Variants in ATG7 observed in about 807,000 individuals in gnomAD.
ATG7 encodes the protein autophagy related 7.
In ATG7, 70 loss-of-function variants were observed where a neutral mutation model predicts 82.4. That is an observed-to-expected ratio of 0.85 (90% CI 0.70 to 1.04). The LOEUF (loss-of-function observed/expected upper bound fraction) is 1.04. Ranked by LOEUF, ATG7 falls within the 50% of genes least tolerant of loss-of-function variation. The pLI, the probability that ATG7 is intolerant of heterozygous loss-of-function variation, is 0.00. For synonymous variants in ATG7, 287 were observed against 313.0 expected (o/e 0.92, Z 0.88); for missense variants, 792 against 864.3 (o/e 0.92, Z 1.05).
At chr3:11,365,991 G>A (rs1412935638) in intron 18 of ATG7, among the ~76,000 whole-genome samples, 2 of 151,996 alleles carry the variant, frequency 1.3e-5, no homozygotes, top group East Asian at 1.9e-4. Flanking sequence ...AGGCCGAGGC[G>A]GGTGGATCAC....
At chr3:11,475,134 ATTG>A (rs2087999254) in intron 20 of ATG7, among the ~76,000 whole-genome samples, 1 of 150,796 alleles carries the variant, frequency 6.6e-6, no homozygotes, top group Admixed American at 6.6e-5. Context: ...GGTAGATTAT[ATTG>A]TTATTGTTAT....
At chr3:11,563,992 G>A in the ATG7 span, among the ~76,000 whole-genome samples, 2,072 of 152,282 alleles carry the variant, frequency 0.014, 53 homozygotes, top group African/African-American at 0.045. Context: ...GGCTCTTGCA[G>A]CTGAATGCAC....
intron 20 of ATG7, among the ~76,000 whole-genome samples, chr3:11,486,000 G>A (rs2089591017): frequency 6.6e-6 from 1 of 152,116 alleles, no homozygotes. Flanking sequence ...TGCTCTTTTG[G>A]CTTAGGATTG....
intron 20 of ATG7, among the ~76,000 whole-genome samples, chr3:11,483,021 C>A (rs1207194609): frequency 6.6e-6 from 1 of 151,992 alleles, no homozygotes. Context: ...GGATTCTCAA[C>A]GTTTTTCCAC....
chr3:11,571,972 T>C, the ATG7 span, among the ~76,000 whole-genome samples: 3 of 152,164 alleles, frequency 2.0e-5, no homozygotes, highest in Non-Finnish European at 2.9e-5. Flanking sequence ...CTGGGCGTGG[T>C]GTCACGTACC....
chr3:11,315,381 A>G lies in ATG7; in HGVS notation c.566A>G (p.Gln189Arg). 6.2e-7 allele frequency: 1 copy of G among 1,608,848 alleles called. No homozygotes were observed. The highest frequency in any genetic ancestry group is 8.5e-7 in the Non-Finnish European group (1 of 1,178,264). ...GAGTGTGCATATGATAATCTTTGTCAAACAGAAGGAGTCACAGCTCTTCCT... is the reference window on the plus strand; with the variant it reads ...GAGTGTGCATATGATAATCTTTGTCGAACAGAAGGAGTCACAGCTCTTCCT... ...ALECAYDNLC[Q>R]TEGVTALPYF... Residue 189 changes from glutamine to arginine, a missense_variant, in exon 9 of 21, where the codon CAA becomes CGA. Physicochemically the swap from Gln to Arg is conservative, Grantham distance 43 (BLOSUM62 1). Transcript: ENST00000693202.
At chr3:11,512,292 T>C (rs1163807030) in intron 20 of ATG7, among the ~76,000 whole-genome samples, 1 of 152,180 alleles carries the variant, frequency 6.6e-6, no homozygotes, top group Non-Finnish European at 1.5e-5. Context: ...CTGAACCAAG[T>C]ACTGGAAGTA....
the ATG7 span, chr3:11,564,997 A>T: frequency 6.6e-7 from 1 of 1,510,832 alleles, no homozygotes; most frequent in East Asian, 2.4e-5. Flanking sequence ...TCTCTGCGGC[A>T]GTCTCCATTG....
intron 9 of ATG7, among the ~76,000 whole-genome samples, chr3:11,319,603 C>T (rs557115367): frequency 3.9e-5 from 6 of 152,340 alleles, no homozygotes; most frequent in Non-Finnish European, 5.9e-5. Flanking sequence ...CTCTGGACCC[C>T]GGGCCATATT....
At chr3:11,558,488 T>TA (rs1267495333), downstream of ATG7, 9 of 1,483,478 alleles carry the variant, frequency 6.1e-6, no homozygotes, top group East Asian at 7.1e-5. Flanking sequence ...TTTTTTTTTT[T>TA]AAGTACTGAC....
chr3:11,511,007 G>A (rs1336251606), intron 20 of ATG7, among the ~76,000 whole-genome samples: 1 of 152,146 alleles, frequency 6.6e-6, no homozygotes, highest in Non-Finnish European at 1.5e-5. Context: ...TGTGTTCGGA[G>A]TTTCTTCCTT....
intron 3 of ATG7, among the ~76,000 whole-genome samples, chr3:11,283,854 C>G (rs568949860): frequency 6.6e-6 from 1 of 152,306 alleles, no homozygotes; most frequent in Admixed American, 6.5e-5. Context: ...ATCGCTTGAA[C>G]CCGGTAGACG....
chr3:11,421,948 C>CT (rs1267604502), intron 19 of ATG7, among the ~76,000 whole-genome samples: 2 of 152,146 alleles, frequency 1.3e-5, no homozygotes, highest in African/African-American at 4.8e-5. Flanking sequence ...TGAAAGGAAC[C>CT]TTTTTTTCTG....
chr3:11,377,764 G>C (rs1175887186), intron 18 of ATG7, among the ~76,000 whole-genome samples: 5 of 152,158 alleles, frequency 3.3e-5, no homozygotes, highest in African/African-American at 4.8e-5. Flanking sequence ...GTATAGAGGA[G>C]ACTCACTGTG....
intron 3 of ATG7, among the ~76,000 whole-genome samples, chr3:11,293,850 C>T (rs1333781253): frequency 6.7e-6 from 1 of 149,696 alleles, no homozygotes; most frequent in African/African-American, 2.5e-5. Context: ...GACTCCGTAT[C>T]GAGAGAAAAA....
Position 11,369,473 on chromosome 3 carries a change from A to G in ATG7, c.1875+4739A>G, listed in dbSNP as rs1002753408. ...CTGACTCTGCCAAGTGCCAAGCACT[A>G]TGAAGTTCAGGGAAGTTAAGTAACT... is the stretch of plus-strand genomic sequence containing the variant. On this transcript the variant is annotated intron_variant, in intron 18 of 20. Coordinates refer to ENST00000693202, the MANE Select transcript of ATG7 (RefSeq NM_001349232.2). Among the ~76,000 whole-genome samples the G allele has an allele frequency of 4.0e-5, 6 of 151,254 alleles. No individual in the cohort carries two copies. In the East Asian group the frequency reaches 5.8e-4, roughly 15 times the overall value.
intron 20 of ATG7, among the ~76,000 whole-genome samples, chr3:11,464,966 A>G (rs78505701): frequency 1.9e-3 from 290 of 152,316 alleles, no homozygotes; most frequent in Non-Finnish European, 3.5e-3. Flanking sequence ...TAAACACTCA[A>G]CAGATGCCAC....
intron 19 of ATG7, among the ~76,000 whole-genome samples, chr3:11,403,166 T>G (rs1029241575): frequency 2.0e-5 from 3 of 152,172 alleles, no homozygotes; most frequent in African/African-American, 7.2e-5. Flanking sequence ...TACCAGAAAA[T>G]CCACCCATTG....
At position 11,313,383 on chromosome 3, in the gene ATG7, G is replaced by A; in HGVS notation, c.491G>A (p.Gly164Glu). ...CCAGAGAGTTTACCTCTCATTCAGGGGCCAGTGGGTTTGGATCAAAGGTTT... is the reference window on the plus strand; with the variant it reads ...CCAGAGAGTTTACCTCTCATTCAGGAGCCAGTGGGTTTGGATCAAAGGTTT... ...CLPESLPLIQ[G>E]PVGLDQRFSL... The change falls in exon 8 of 21, where the codon GGG (glycine) becomes GAG (glutamate). Residue 164 changes from glycine (G) to glutamate (E), a missense_variant. Transcript: ENST00000693202. 1 of 1,611,764 alleles carries A rather than the reference G, an allele frequency of 6.2e-7. No homozygotes were observed. The highest frequency in any genetic ancestry group is 8.5e-7 in the Non-Finnish European group (1 of 1,178,784).
Sources: gnomAD v4.1 joint callset for allele counts (sites outside exome capture counted in the v4.1 genomes callset) on GRCh38, gnomAD v4.1.1 for gene constraint, MANE v1.5 for transcripts, NCBI Gene and HGNC (gene_info 2026-07-23, HGNC 2026-07-21) for gene names.